The following MCOLN1 variants were observed in gnomAD, a reference collection of about 807,000 sequenced individuals.
MCOLN1 encodes the protein mucolipin-1.
Under a neutral mutation model 70.3 loss-of-function variants are expected in MCOLN1, and 50 were observed. The observed-to-expected ratio is 0.71, with a 90% CI of 0.57 to 0.90. The LOEUF (loss-of-function observed/expected upper bound fraction) is 0.90, where lower values mean the gene tolerates loss of function less well. Among genes scored for constraint, MCOLN1 ranks in the 40% least tolerant of loss-of-function variants. The pLI is 0.00. For synonymous variants in MCOLN1, 366 were observed against 341.0 expected, an observed-to-expected ratio of 1.07 and a Z score of -0.81; for missense variants, 598 against 803.5, an observed-to-expected ratio of 0.74 and a Z score of 3.09.
At chr19:7,529,029 G>A (rs369520461) in intron 9 of MCOLN1, 59 bp downstream of exon 9, 31 of 1,613,724 alleles carry the variant, frequency 1.9e-5, no homozygotes, top group Admixed American at 8.3e-5. Context: ...TGCCTATCCG[G>A]GGCCATATCC....
chr19:7,529,892 G>C (rs567732195), intron 11 of MCOLN1, among the ~76,000 whole-genome samples, 180 bp downstream of exon 11: 1 of 152,104 alleles, frequency 6.6e-6, no homozygotes, highest in Non-Finnish European at 1.5e-5. Flanking sequence ...ACCCTATTTC[G>C]ACCTGAATTA....
Position 7,527,647 on chromosome 19 carries a change from A to T in MCOLN1, c.680+19A>T. 6.5e-7 allele frequency: 1 copy of T among 1,534,924 alleles called. No homozygotes were observed. Among genetic ancestry groups the T allele is most frequent in the Non-Finnish European group, 9.0e-7 (1 of 1,107,802 alleles). ...TCCACAAGTACTGCCTGCTCACTCG[A>T]GGGGGGCCCAGGGTGGGGGAGGCAG... is the stretch of plus-strand genomic sequence containing the variant. On this transcript the variant is annotated intron_variant, in intron 5 of 13. Coordinates refer to ENST00000264079, the MANE Select transcript of MCOLN1 (RefSeq NM_020533.3).
In MCOLN1 at chr19:7,528,032, G is replaced by A; in HGVS notation, c.777+72G>A. 1.3e-6 allele frequency: 2 copies of A among 1,542,202 alleles called. No individual in the cohort carries two copies. The highest frequency in any genetic ancestry group is 1.1e-5 in the South Asian group (1 of 89,576). Reference sequence around the variant, plus strand: ...GACCTGGTCAGGGAGTGTCTTGGGAGCACTGGCCAAGGGCAAGCGTGCGGG... The same window carrying A: ...GACCTGGTCAGGGAGTGTCTTGGGAACACTGGCCAAGGGCAAGCGTGCGGG... On this transcript the variant is annotated intron_variant, in intron 6 of 13. Transcript: ENST00000264079. The surrounding 1 kb of genome is among the most constrained non-coding windows in gnomAD (Gnocchi z 4.2).
rs548834197 is a variant in MCOLN1 at position 7,528,400 on chromosome 19, C to T, written c.877+143C>T. On this transcript the variant is annotated intron_variant, in intron 7 of 13. Coordinates refer to ENST00000264079, the MANE Select transcript of MCOLN1 (RefSeq NM_020533.3). The surrounding 1 kb of genome is among the most constrained non-coding windows in gnomAD (Gnocchi z 4.2). ...TCAGATCAGCACAGACCAGGGACCC[C>T]GTCCTGTGCTGAGATCCCCCAAGCC... 3.0e-5 allele frequency: 30 copies of T among 992,498 alleles called. No homozygotes were observed. The highest frequency in any genetic ancestry group is 7.1e-5 in the South Asian group (5 of 69,938). The allele number at this position is 992,498 out of a possible 1,614,324, so 61.5% of individuals were successfully genotyped here.
At chr19:7,533,159 C>CA (rs1402448057) in intron 12 of MCOLN1, among the ~76,000 whole-genome samples, 5 of 152,244 alleles carry the variant, frequency 3.3e-5, no homozygotes, top group African/African-American at 1.2e-4. Flanking sequence ...CACATGCATC[C>CA]ACTCAGGTGG....
rs890396104 is a variant in MCOLN1 at position 7,525,770 on chromosome 19, G to A, written c.237+604G>A. On this transcript the variant is annotated intron_variant, in intron 2 of 13. Transcript: ENST00000264079. This position sits in a 1 kb window ranked among gnomAD's most constrained non-coding sequence, Gnocchi z 4.2. ...ATGCCTCTAATTTTCCCTCTGAAAA[G>A]GGACCCAATTGTCCAGGCATGGTGG... 2 of 169,274 alleles carry A rather than the reference G, an allele frequency of 1.2e-5. No homozygotes were observed. The highest frequency in any genetic ancestry group is 4.8e-5 in the African/African-American group (2 of 41,656). The allele number at this position is 169,274 out of a possible 1,614,324, so 10.5% of individuals were successfully genotyped here.
intron 12 of MCOLN1, among the ~76,000 whole-genome samples, chr19:7,530,931 G>A (rs1162948528): frequency 6.6e-6 from 1 of 152,192 alleles, no homozygotes; most frequent in Non-Finnish European, 1.5e-5. Context: ...AGTAGAGATG[G>A]CATTTCACCG....
intron 1 of MCOLN1, 62 bp downstream of exon 1, chr19:7,522,843 T>A: frequency 7.8e-7 from 1 of 1,281,364 alleles, no homozygotes; most frequent in South Asian, 2.2e-5. Context: ...GTCTCCCACC[T>A]GGGGCGGCGG....
intron 10 of MCOLN1, 85 bp from the exon 11 acceptor site, chr19:7,529,505 C>CCCCCCCCCCCCCCCCCCCTT: frequency 9.3e-6 from 7 of 755,714 alleles, no homozygotes; most frequent in Non-Finnish European, 1.6e-5. Flanking sequence ...GGCAAGGCCC[C>CCCCCCCCCCCCCCCCCCCTT]GCCCCTCCCA....
chr19:7,531,236 T>C (rs993268503), intron 12 of MCOLN1, among the ~76,000 whole-genome samples: 3 of 151,882 alleles, frequency 2.0e-5, no homozygotes, highest in African/African-American at 7.3e-5. Flanking sequence ...AATCTTACCC[T>C]GTGGCCCAGG....
chr19:7,522,631 A>G lies in MCOLN1; in HGVS notation c.-120A>G. 1.9e-6 allele frequency: 2 copies of G among 1,067,038 alleles called. No individual in the cohort carries two copies. Among genetic ancestry groups the G allele is most frequent in the Non-Finnish European group, 2.6e-6 (2 of 783,082 alleles). The allele number at this position is 1,067,038 out of a possible 1,614,324, so 66.1% of individuals were successfully genotyped here. On this transcript the variant is annotated 5_prime_UTR_variant, in exon 1 of 14. Transcript: ENST00000264079. ...GGGTCACGTGACCGAGGCACAGATCAGCTGATGCCGGAGGGTTTGAAGCCG... is the reference window on the plus strand; with the variant it reads ...GGGTCACGTGACCGAGGCACAGATCGGCTGATGCCGGAGGGTTTGAAGCCG...
In MCOLN1 at chr19:7,529,271, A is replaced by G. The variant is rs928285561; in HGVS notation, c.1236+69A>G. On this transcript the variant is annotated intron_variant, in intron 10 of 13. Coordinates refer to ENST00000264079, the MANE Select transcript of MCOLN1 (RefSeq NM_020533.3). ...ACACCCTCCAAATAAATCCCTACACACGCAGCCCTCACCAGCCCCGGCCAA... is the reference window on the plus strand; with the variant it reads ...ACACCCTCCAAATAAATCCCTACACGCGCAGCCCTCACCAGCCCCGGCCAA... The G allele has an allele frequency of 1.0e-5, 14 of 1,403,758 alleles. No individual in the cohort carries two copies. The African/African-American group carries it at 1.8e-4, about 18-fold the overall frequency. 87.0% of individuals were successfully genotyped at this position (1,403,758 alleles called of 1,614,324 possible). A position where few individuals can be genotyped will look rare whatever the true frequency, so the allele number is the denominator to read the frequency against.
At position 7,522,653 on chromosome 19, in the gene MCOLN1, G is replaced by A; in HGVS notation, c.-98G>A. On this transcript the variant is annotated 5_prime_UTR_variant, in exon 1 of 14. Transcript: ENST00000264079. ...ATCAGCTGATGCCGGAGGGTTTGAAGCCGCGCCGCGAGGGAGCGAGGTCGC... is the reference window on the plus strand; with the variant it reads ...ATCAGCTGATGCCGGAGGGTTTGAAACCGCGCCGCGAGGGAGCGAGGTCGC... 1.5e-6 allele frequency: 2 copies of A among 1,311,090 alleles called. No homozygotes were observed. The highest frequency in any genetic ancestry group is 2.0e-6 in the Non-Finnish European group (2 of 991,784). 81.2% of individuals were successfully genotyped at this position (1,311,090 alleles called of 1,614,324 possible).
Position 7,528,880 on chromosome 19 carries a change from G to A in MCOLN1, c.1044G>A (p.Leu348=), listed in dbSNP as rs367994498. 11 of 1,614,076 alleles carry A rather than the reference G, an allele frequency of 6.8e-6. No homozygotes were observed. In the African/African-American group the frequency reaches 1.5e-4, roughly 22 times the overall value. Residue 348 remains leucine (L), a synonymous_variant, in exon 9 of 14, where the codon CTG becomes CTA. Transcript: ENST00000264079. This position sits in a 1 kb window ranked among gnomAD's most constrained non-coding sequence, Gnocchi z 4.2. ...RGRVISLWER[L]EFVNGWYILL... ...GGGTCATCAGCCTGTGGGAGCGGCTGGAATTTGTCAATGGCTGGTACATCC... is the reference window on the plus strand; with the variant it reads ...GGGTCATCAGCCTGTGGGAGCGGCTAGAATTTGTCAATGGCTGGTACATCC...
At chr19:7,527,088 C>T in intron 4 of MCOLN1, 162 bp downstream of exon 4, 3 of 886,846 alleles carry the variant, frequency 3.4e-6, no homozygotes, top group Non-Finnish European at 5.4e-6. Flanking sequence ...CAGCCTGGGC[C>T]ACGTAGGAAG....
At chr19:7,532,675 A>G (rs1013868004) in intron 12 of MCOLN1, among the ~76,000 whole-genome samples, 1 of 152,204 alleles carries the variant, frequency 6.6e-6, no homozygotes, top group African/African-American at 2.4e-5. Flanking sequence ...AGATCAAGCC[A>G]CTGCACTCCA....
Position 7,529,896 on chromosome 19 carries a change from T to C in MCOLN1, c.1359+184T>C, listed in dbSNP as rs374430954. On this transcript the variant is annotated intron_variant, in intron 11 of 13. Transcript: ENST00000264079. ...AGTTGTTGATGACCCTATTTCGACC[T>C]GAATTACTCCCCTCCTGCTCTATCT... is the stretch of plus-strand genomic sequence containing the variant. Among the ~76,000 whole-genome samples, 9 of 152,310 alleles carry C rather than the reference T, an allele frequency of 5.9e-5. No homozygotes were observed. In the East Asian group the frequency reaches 1.7e-3, roughly 29 times the overall value.
chr19:7,531,285 C>T (rs2022650221), intron 12 of MCOLN1, among the ~76,000 whole-genome samples: 1 of 152,054 alleles, frequency 6.6e-6, no homozygotes, highest in African/African-American at 2.4e-5. Flanking sequence ...ACTGCAACCT[C>T]CACCTTCTGA....
intron 12 of MCOLN1, among the ~76,000 whole-genome samples, chr19:7,531,748 A>T (rs951898141): frequency 2.1e-4 from 32 of 151,704 alleles, no homozygotes; most frequent in Admixed American, 9.9e-4. Flanking sequence ...GCTCACTGCA[A>T]CCTCTGCCTC....
Sources: allele counts gnomAD v4.1 joint callset (sites outside exome capture counted in the v4.1 genomes callset), GRCh38; gene constraint gnomAD v4.1.1; non-coding constraint Gnocchi (gnomAD v3.1); transcripts MANE v1.5; gene names NCBI Gene and HGNC (gene_info 2026-07-23, HGNC 2026-07-21).